PRSS21: variants seen among roughly 807,000 people sequenced by gnomAD.
PRSS21 encodes the protein testisin.
PRSS21 carries 40 observed loss-of-function variants against 31.1 expected under a neutral mutation model. The observed-to-expected ratio is 1.29, with a 90% CI of 1.00 to 1.68. The LOEUF (loss-of-function observed/expected upper bound fraction) is 1.68. Ranked by LOEUF, PRSS21 falls within the 40% of genes most tolerant of loss-of-function variation. The pLI, the probability that PRSS21 is intolerant of heterozygous loss-of-function variation, is 0.00. For missense variants in PRSS21, 467 were observed against 412.6 expected, an observed-to-expected ratio of 1.13 and a Z score of -1.14; for synonymous variants, 186 against 167.7, an observed-to-expected ratio of 1.11 and a Z score of -0.84.
Position 2,817,513 on chromosome 16 carries a change from G to A in PRSS21, c.91+57G>A. 1.5e-6 allele frequency: 2 copies of A among 1,367,646 alleles called. No homozygotes were observed. Among genetic ancestry groups the A allele is most frequent in the Non-Finnish European group, 2.0e-6 (2 of 1,022,288 alleles). The allele number at this position is 1,367,646 out of a possible 1,614,324, so 84.7% of individuals were successfully genotyped here. Reference sequence around the variant, plus strand: ...GGGCCGTTGGGCCGAGGTGGACGGGGGGCGGTGAGGGGGTAGAGGGGGGCC... The same window carrying A: ...GGGCCGTTGGGCCGAGGTGGACGGGAGGCGGTGAGGGGGTAGAGGGGGGCC... On this transcript the variant is annotated intron_variant, in intron 2 of 5. Coordinates refer to ENST00000005995, the MANE Select transcript of PRSS21 (RefSeq NM_006799.4). This position sits in a 1 kb window ranked among gnomAD's most constrained non-coding sequence, Gnocchi z 4.2.
At position 2,817,255 on chromosome 16, in the gene PRSS21, C is replaced by T. The variant is rs1279777905; in HGVS notation, c.-14C>T. On this transcript the variant is annotated 5_prime_UTR_variant, in exon 1 of 6. Coordinates refer to ENST00000005995, the MANE Select transcript of PRSS21 (RefSeq NM_006799.4). The surrounding 1 kb of genome is among the most constrained non-coding windows in gnomAD (Gnocchi z 4.2). The stretch of plus-strand genomic sequence containing the variant: ...AGGAGGCAGAGGGGGCGTCAGGCCG[C>T]GGGAGAGGAGGCCATGGGCGCGCGC... 50 of 1,514,780 alleles carry T rather than the reference C, an allele frequency of 3.3e-5. No homozygotes were observed. The highest frequency in any genetic ancestry group is 4.3e-5 in the Non-Finnish European group (49 of 1,137,248). 93.8% of individuals were successfully genotyped at this position (1,514,780 alleles called of 1,614,324 possible). A position where few individuals can be genotyped will look rare whatever the true frequency, so the allele number is the denominator to read the frequency against.
At position 2,817,865 on chromosome 16, in the gene PRSS21, T is replaced by C. The variant is rs748239959; in HGVS notation, c.156T>C (p.Arg52=). 1.7e-5 allele frequency: 27 copies of C among 1,550,248 alleles called. No homozygotes were observed. In the Admixed American group the frequency reaches 4.7e-4, roughly 27 times the overall value. Residue 52 remains arginine, a synonymous_variant, in exon 3 of 6, where the codon CGT becomes CGC. Transcript: ENST00000005995. The surrounding 1 kb of genome is among the most constrained non-coding windows in gnomAD (Gnocchi z 4.2). ...GTGGAGAGGACGCCGAACTCGGGCG[T>C]TGGCCGTGGCAGGGGAGCCTGCGCC... ...IVGGEDAELG[R]WPWQGSLRLW... is the part of the protein sequence containing the mutation.
In PRSS21 at chr16:2,817,726, T is replaced by A; in HGVS notation, c.92-75T>A. 6.6e-7 allele frequency: 1 copy of A among 1,505,562 alleles called. No individual in the cohort carries two copies. Among genetic ancestry groups the A allele is most frequent in the Non-Finnish European group, 8.9e-7 (1 of 1,122,386 alleles). The allele number at this position is 1,505,562 out of a possible 1,614,324, so 93.3% of individuals were successfully genotyped here. ...CAAAAACGTGCTTTCCCGGACGGGGTTGAAGGGGAGAAAGGGAGAGGTCGG... is the reference window on the plus strand; with the variant it reads ...CAAAAACGTGCTTTCCCGGACGGGGATGAAGGGGAGAAAGGGAGAGGTCGG... On this transcript the variant is annotated intron_variant, in intron 2 of 5. Coordinates refer to ENST00000005995, the MANE Select transcript of PRSS21 (RefSeq NM_006799.4). The surrounding 1 kb of genome is among the most constrained non-coding windows in gnomAD (Gnocchi z 4.2).
chr16:2,820,927 T>C, intron 4 of PRSS21, 28 bp from the exon 5 acceptor site: 4 of 1,608,852 alleles, frequency 2.5e-6, no homozygotes, highest in Non-Finnish European at 3.4e-6. Flanking sequence ...GGTTGCTGTC[T>C]CTCTCCTTCC....
Position 2,817,352 on chromosome 16 carries a change from G to A in PRSS21, c.64+20G>A, listed in dbSNP as rs942259667. 3 of 1,569,426 alleles carry A rather than the reference G, an allele frequency of 1.9e-6. No individual in the cohort carries two copies. The highest frequency in any genetic ancestry group is 2.3e-5 in the East Asian group (1 of 42,964). On this transcript the variant is annotated intron_variant, in intron 1 of 5. Transcript: ENST00000005995. The surrounding 1 kb of genome is among the most constrained non-coding windows in gnomAD (Gnocchi z 4.2). ...AGCCGGGTGAGCTCGGGGCGCTGCT[G>A]GCGGGATGGGGAGGCGGGGGAGCGG...
At chr16:2,820,880 C>G in intron 4 of PRSS21, 75 bp from the exon 5 acceptor site, 1 of 1,500,612 alleles carries the variant, frequency 6.7e-7, no homozygotes, top group African/African-American at 1.4e-5. Context: ...GGCCCCCACC[C>G]CCGCAGCCTA....
chr16:2,820,769 G>A (rs1406135716), intron 4 of PRSS21, among the ~76,000 whole-genome samples, 186 bp from the exon 5 acceptor site: 4 of 152,048 alleles, frequency 2.6e-5, no homozygotes, highest in Non-Finnish European at 2.9e-5. Flanking sequence ...GTCCCTCCCC[G>A]GGGCCTTCTG....
chr16:2,821,682 C>T lies in PRSS21; in HGVS notation c.*77C>T. The T allele has an allele frequency of 6.6e-7, 1 of 1,519,938 alleles. No individual in the cohort carries two copies. Among genetic ancestry groups the T allele is most frequent in the Non-Finnish European group, 8.9e-7 (1 of 1,121,934 alleles). The allele number at this position is 1,519,938 out of a possible 1,614,324, so 94.2% of individuals were successfully genotyped here. A position where few individuals can be genotyped will look rare whatever the true frequency, so the allele number is the denominator to read the frequency against. ...CTCTTCTGTCTTGTTTGGTAATAAA[C>T]ACATTCCAGTTGATGCCTTGCAGGG... On this transcript the variant is annotated 3_prime_UTR_variant, in exon 6 of 6. Transcript: ENST00000005995.
In PRSS21 at chr16:2,817,382, G is replaced by C. The variant is rs1254515328; in HGVS notation, c.65-48G>C. 1 of 1,586,328 alleles carries C rather than the reference G, an allele frequency of 6.3e-7. No individual in the cohort carries two copies. The highest frequency in any genetic ancestry group is 1.3e-5 in the African/African-American group (1 of 74,416). On this transcript the variant is annotated intron_variant, in intron 1 of 5. Transcript: ENST00000005995. This position sits in a 1 kb window ranked among gnomAD's most constrained non-coding sequence, Gnocchi z 4.2. ...GATGGGGAGGCGGGGGAGCGGTGGGGAGGACGGGAGGTGGAGGCCGCGGGG... is the reference window on the plus strand; with the variant it reads ...GATGGGGAGGCGGGGGAGCGGTGGGCAGGACGGGAGGTGGAGGCCGCGGGG...
rs757251399 is a variant in PRSS21, at chr16:2,818,790, T to G, written c.371T>G (p.Ile124Ser). 6 of 1,613,510 alleles carry G rather than the reference T, an allele frequency of 3.7e-6. No individual in the cohort carries two copies. The East Asian group carries it at 1.3e-4, about 36-fold the overall frequency. Residue 124 changes from isoleucine (I) to serine (S), a missense_variant, in exon 4 of 6, where the codon ATC (isoleucine) becomes AGC (serine). Physicochemically the swap from Ile to Ser is moderately radical, Grantham distance 142. Transcript: ENST00000005995. ...AYYTRYFVSN[I>S]YLSPRYLGNS... ...TACACCCGTTACTTCGTATCGAATA[T>G]CTATCTGAGCCCTCGCTACCTGGGG...
Position 2,818,807 on chromosome 16 carries a change from T to C in PRSS21, c.388T>C (p.Tyr130His), listed in dbSNP as rs1268006477. ...ATCGAATATCTATCTGAGCCCTCGC[T>C]ACCTGGGGAATTCACCCTATGACAT... ...FVSNIYLSPR[Y>H]LGNSPYDIAL... The change falls in exon 4 of 6, where the codon TAC becomes CAC. Residue 130 changes from tyrosine (Y) to histidine (H), a missense_variant. Physicochemically the swap from Tyr to His is moderately conservative, Grantham distance 83. Coordinates refer to ENST00000005995, the MANE Select transcript of PRSS21 (RefSeq NM_006799.4). 6.2e-7 allele frequency: 1 copy of C among 1,613,816 alleles called. No homozygotes were observed.
rs1810745734 is a variant in PRSS21, at chr16:2,817,613, G to T, written c.91+157G>T. Reference sequence around the variant, plus strand: ...GGAAAGTAACTAACGGACGCTGGAGGGGGATGGGCGGGCCCTGCAGAGCAC... The same window carrying T: ...GGAAAGTAACTAACGGACGCTGGAGTGGGATGGGCGGGCCCTGCAGAGCAC... On this transcript the variant is annotated intron_variant, in intron 2 of 5. Coordinates refer to ENST00000005995, the MANE Select transcript of PRSS21 (RefSeq NM_006799.4). The surrounding 1 kb of genome is among the most constrained non-coding windows in gnomAD (Gnocchi z 4.2). The T allele has an allele frequency of 7.8e-7, 1 of 1,288,438 alleles. No individual in the cohort carries two copies. Among genetic ancestry groups the T allele is most frequent in the Non-Finnish European group, 1.0e-6 (1 of 953,292 alleles). 79.8% of individuals were successfully genotyped at this position (1,288,438 alleles called of 1,614,324 possible). A position where few individuals can be genotyped will look rare whatever the true frequency, so the allele number is the denominator to read the frequency against.
chr16:2,819,748 G>A (rs535593945), intron 4 of PRSS21, among the ~76,000 whole-genome samples: 6 of 152,368 alleles, frequency 3.9e-5, no homozygotes, highest in African/African-American at 1.4e-4. Flanking sequence ...TAGGAATGAA[G>A]TTGGTAACGT....
In PRSS21 at chr16:2,821,224, A is replaced by G. The variant is rs981632910; in HGVS notation, c.705+115A>G. Reference sequence around the variant, plus strand: ...GACTGTTGCCCCACTCTGCAGATGCAGAAACGGAGGCTTGGCTGCTGCCAG... The same window carrying G: ...GACTGTTGCCCCACTCTGCAGATGCGGAAACGGAGGCTTGGCTGCTGCCAG... On this transcript the variant is annotated intron_variant, in intron 5 of 5. Coordinates refer to ENST00000005995, the MANE Select transcript of PRSS21 (RefSeq NM_006799.4). 3.3e-5 allele frequency: 51 copies of G among 1,541,690 alleles called. No individual in the cohort carries two copies. The East Asian group carries it at 7.4e-4, about 22-fold the overall frequency.
chr16:2,820,464 T>C (rs986049539), intron 4 of PRSS21, among the ~76,000 whole-genome samples: 1 of 152,110 alleles, frequency 6.6e-6, no homozygotes, highest in Non-Finnish European at 1.5e-5. Context: ...ACTCTCCTTA[T>C]CTGGGAGTAG....
chr16:2,820,346 A>G (rs2069149876), intron 4 of PRSS21, among the ~76,000 whole-genome samples: 1 of 152,204 alleles, frequency 6.6e-6, no homozygotes, highest in South Asian at 2.1e-4. Flanking sequence ...CTGCAGGACA[A>G]GGTGCTGGCT....
At chr16:2,821,181 C>G (rs2069168998) in intron 5 of PRSS21, 72 bp downstream of exon 5, 3 of 1,585,954 alleles carry the variant, frequency 1.9e-6, no homozygotes, top group Non-Finnish European at 2.6e-6. Context: ...GACCCTCATG[C>G]CAACCCCGGG....
chr16:2,817,647 A>G lies in PRSS21; in HGVS notation c.92-154A>G. ...CGGGCCCTGCAGAGCACGTGGGAGGATCTCCAGTGTCACCTACTTCCTGCT... is the reference window on the plus strand; with the variant it reads ...CGGGCCCTGCAGAGCACGTGGGAGGGTCTCCAGTGTCACCTACTTCCTGCT... On this transcript the variant is annotated intron_variant, in intron 2 of 5. Coordinates refer to ENST00000005995, the MANE Select transcript of PRSS21 (RefSeq NM_006799.4). This position sits in a 1 kb window ranked among gnomAD's most constrained non-coding sequence, Gnocchi z 4.2. 1 of 1,257,906 alleles carries G rather than the reference A, an allele frequency of 7.9e-7. No homozygotes were observed. The highest frequency in any genetic ancestry group is 1.1e-6 in the Non-Finnish European group (1 of 920,952). 77.9% of individuals were successfully genotyped at this position (1,257,906 alleles called of 1,614,324 possible). A position where few individuals can be genotyped will look rare whatever the true frequency, so the allele number is the denominator to read the frequency against.
In PRSS21 at chr16:2,817,815, C is replaced by T. The variant is rs957139531; in HGVS notation, c.106C>T (p.Arg36Trp). 8 of 1,550,100 alleles carry T rather than the reference C, an allele frequency of 5.2e-6. No individual in the cohort carries two copies. Among genetic ancestry groups the T allele is most frequent in the African/African-American group, 2.7e-5 (2 of 73,072 alleles). ...GACCATCCGAGGACCATGCGGCCGA[C>T]GGGTCATCACGTCGCGCATCGTGGG... ...AAPLSGPCGR[R>W]VITSRIVGGE... The change falls in exon 3 of 6, where the codon CGG becomes TGG. Residue 36 changes from arginine to tryptophan, a missense_variant. Coordinates refer to ENST00000005995, the MANE Select transcript of PRSS21 (RefSeq NM_006799.4). The surrounding 1 kb of genome is among the most constrained non-coding windows in gnomAD (Gnocchi z 4.2).
Sources: gnomAD v4.1 joint callset for allele counts (sites outside exome capture counted in the v4.1 genomes callset) on GRCh38, gnomAD v4.1.1 for gene constraint, Gnocchi (gnomAD v3.1) non-coding constraint, MANE v1.5 for transcripts, NCBI Gene and HGNC (gene_info 2026-07-23, HGNC 2026-07-21) for gene names.